Variants in CNTNAP3B observed in about 807,000 individuals in gnomAD.
CNTNAP3B encodes contactin-associated protein-like 3B.
In CNTNAP3B, 25 loss-of-function variants were observed where a neutral mutation model predicts 108.9. The observed-to-expected ratio is 0.23, with a 90% CI of 0.17 to 0.32. The LOEUF (loss-of-function observed/expected upper bound fraction) is 0.32, where lower values mean the gene tolerates loss of function less well. CNTNAP3B is among the 10% of genes least tolerant of loss of function. CNTNAP3B has a pLI of 1.00. For missense variants in CNTNAP3B, 252 were observed against 1,210.4 expected, an observed-to-expected ratio of 0.21 and a Z score of 11.75; for synonymous variants, 103 against 473.4, an observed-to-expected ratio of 0.22 and a Z score of 10.16.
intron 14 of CNTNAP3B, among the ~76,000 whole-genome samples, chr9:41,931,527 G>A (rs1366729639): frequency 6.6e-6 from 1 of 152,194 alleles, no homozygotes; most frequent in East Asian, 1.9e-4. Flanking sequence ...TATTATTTAA[G>A]ATTATTCCCT....
chr9:41,930,559 A>C (rs1453650195), intron 14 of CNTNAP3B, among the ~76,000 whole-genome samples: 3 of 151,558 alleles, frequency 2.0e-5, no homozygotes, highest in Admixed American at 6.6e-5. Context: ...TACAAAAAAC[A>C]AACAAAAAAC....
chr9:41,942,392 C>T (rs1246334986), intron 13 of CNTNAP3B, among the ~76,000 whole-genome samples: 4 of 152,186 alleles, frequency 2.6e-5, no homozygotes, highest in African/African-American at 4.8e-5. Flanking sequence ...GGGCGGATCA[C>T]GAGGTCAGGA....
At chr9:42,032,887 C>CT (rs1826547442) in intron 3 of CNTNAP3B, among the ~76,000 whole-genome samples, 2 of 134,474 alleles carry the variant, frequency 1.5e-5, no homozygotes, top group Non-Finnish European at 3.2e-5. Flanking sequence ...CTCTCTCTCT[C>CT]CCCCTCTCTT....
intron 9 of CNTNAP3B, chr9:41,980,082 T>G (rs1019588490): frequency 9.4e-5 from 7 of 74,168 alleles, no homozygotes; most frequent in Non-Finnish European, 1.4e-4. Flanking sequence ...TAAAACATTC[T>G]CTTTATTATC....
At chr9:41,925,393 A>G (rs1823788187) in intron 15 of CNTNAP3B, among the ~76,000 whole-genome samples, 1 of 152,316 alleles carries the variant, frequency 6.6e-6, no homozygotes, top group Non-Finnish European at 1.5e-5. Flanking sequence ...GGAGATCCAG[A>G]CCATCCTGGC....
At position 42,119,679 on chromosome 9, in the gene CNTNAP3B, C is replaced by A. The variant is rs983864218; in HGVS notation, c.85+9331G>T. Among the ~76,000 whole-genome samples, 65 of 138,988 alleles carry A rather than the reference C, an allele frequency of 4.7e-4. 2 individuals are homozygous for A. Among genetic ancestry groups the A allele is most frequent in the Non-Finnish European group, 5.2e-4 (34 of 64,842 alleles). The allele number at this position is 138,988 out of a possible 152,430, so 91.2% of individuals were successfully genotyped here. On this transcript the variant is annotated intron_variant, in intron 1 of 23. Transcript: ENST00000377561. ...CCTCAGAAATAATGCCACATATCTA[C>A]AACTATCTGATCTTTGAGAAACCTG... is the stretch of plus-strand genomic sequence containing the variant.
intron 3 of CNTNAP3B, among the ~76,000 whole-genome samples, chr9:42,070,866 G>T (rs562047399): frequency 6.6e-6 from 1 of 151,720 alleles, no homozygotes; most frequent in African/African-American, 2.4e-5. Context: ...AATGCACTTT[G>T]TCCACTGCCC....
intron 13 of CNTNAP3B, among the ~76,000 whole-genome samples, chr9:41,943,370 T>TG (rs1181356208): frequency 2.2e-4 from 28 of 126,204 alleles, no homozygotes; most frequent in Non-Finnish European, 4.0e-4. Flanking sequence ...TTTTTTTTTT[T>TG]GAGATGGAGT....
At position 42,123,985 on chromosome 9, in the gene CNTNAP3B, C is replaced by CA. The variant is rs1401042700; in HGVS notation, c.85+5024dup. 4.7e-5 allele frequency among the ~76,000 whole-genome samples: 6 copies of CA among 127,928 alleles called. 2 individuals are homozygous for CA. The highest frequency in any genetic ancestry group is 8.1e-5 in the Non-Finnish European group (5 of 61,652). 83.9% of individuals were successfully genotyped at this position (127,928 alleles called of 152,430 possible). On this transcript the variant is annotated intron_variant, in intron 1 of 23. Transcript: ENST00000377561. ...GTAATATCCTCTGTTTTTATACTCT[C>CA]AAAAAATGTGATTATACTTAATCAA...
chr9:41,948,276 G>A (rs1388514221), intron 13 of CNTNAP3B, among the ~76,000 whole-genome samples: 1 of 150,780 alleles, frequency 6.6e-6, no homozygotes, highest in African/African-American at 2.4e-5. Context: ...ATTTTTAGTG[G>A]AGACGGGGTT....
intron 2 of CNTNAP3B, among the ~76,000 whole-genome samples, chr9:42,089,175 A>AGAAAGAAGGG (rs1296742349): frequency 3.2e-4 from 32 of 99,640 alleles, no homozygotes; most frequent in African/African-American, 1.3e-3. Context: ...GGGGGAAAGG[A>AGAAAGAAGGG]GAAAGAAGGG....
rs1826868871 is a variant in CNTNAP3B at position 42,046,062 on chromosome 9, TC to T, written c.390+30806del. Among the ~76,000 whole-genome samples, 4 of 124,858 alleles carry T rather than the reference TC, an allele frequency of 3.2e-5. 1 individual carries two copies. In the Admixed American group the frequency reaches 3.2e-4, roughly 10 times the overall value. 81.9% of individuals were successfully genotyped at this position (124,858 alleles called of 152,430 possible). A position where few individuals can be genotyped will look rare whatever the true frequency, so the allele number is the denominator to read the frequency against. On this transcript the variant is annotated intron_variant, in intron 3 of 23. Coordinates refer to ENST00000377561, the MANE Select transcript of CNTNAP3B (RefSeq NM_001201380.3). ...TCTTTCATTTCCCACAGAGCTGTTG[TC>T]CCCGTCTTCCTCCCCACAGTCAGTG...
At position 42,088,678 on chromosome 9, in the gene CNTNAP3B, A is replaced by G. The variant is rs570095953; in HGVS notation, c.197-11616T>C. Among the ~76,000 whole-genome samples, 920 of 137,268 alleles carry G rather than the reference A, an allele frequency of 6.7e-3. 30 individuals are homozygous for G. Among genetic ancestry groups the G allele is most frequent in the East Asian group, 0.018 (80 of 4,528 alleles). The allele number at this position is 137,268 out of a possible 152,430, so 90.1% of individuals were successfully genotyped here. ...ATTGTCATATGCTACAAATCTGAGG[A>G]AAAAAAAGCATAAAAATAGAATGCC... On this transcript the variant is annotated intron_variant, in intron 2 of 23. Transcript: ENST00000377561.
At chr9:41,921,997 C>G (rs1823682149) in intron 17 of CNTNAP3B, among the ~76,000 whole-genome samples, 1 of 146,818 alleles carries the variant, frequency 6.8e-6, no homozygotes. Context: ...AATGATCTCA[C>G]TAATAGTGTT....
At chr9:41,999,839 GATA>G (rs1825965908) in intron 4 of CNTNAP3B, among the ~76,000 whole-genome samples, 1 of 64,256 alleles carries the variant, frequency 1.6e-5, no homozygotes, top group Admixed American at 1.7e-4. Context: ...AATAATATTT[GATA>G]ATATTTGTCA....
chr9:42,034,210 C>T (rs1437894745), intron 3 of CNTNAP3B, among the ~76,000 whole-genome samples: 1 of 135,986 alleles, frequency 7.4e-6, no homozygotes, highest in Non-Finnish European at 1.6e-5. Context: ...ATCTATCTAT[C>T]TATTTCTCAT....
At chr9:41,958,820 C>T (rs1375898170) in intron 12 of CNTNAP3B, among the ~76,000 whole-genome samples, 97 of 150,372 alleles carry the variant, frequency 6.5e-4, no homozygotes, top group African/African-American at 2.1e-3. Context: ...TACTTCAAGA[C>T]GGTTCCTTTT....
At position 42,118,360 on chromosome 9, in the gene CNTNAP3B, G is replaced by A. The variant is rs141079416; in HGVS notation, c.85+10650C>T. On this transcript the variant is annotated intron_variant, in intron 1 of 23. Coordinates refer to ENST00000377561, the MANE Select transcript of CNTNAP3B (RefSeq NM_001201380.3). ...AGCGGGCTTCAGCCCTGGGACGCAA[G>A]GCTGGTTCAACATACGAAAATCAAT... 5.5e-4 allele frequency among the ~76,000 whole-genome samples: 77 copies of A among 139,728 alleles called. 17 individuals carry two copies. The East Asian group carries it at 0.016, about 28-fold the overall frequency. 91.7% of individuals were successfully genotyped at this position (139,728 alleles called of 152,430 possible).
At position 41,927,603 on chromosome 9, in the gene CNTNAP3B, A is replaced by T. The variant is rs1307375165; in HGVS notation, c.2365+1714T>A. ...TGAATGGGATGGAGGAAGGAAATTA[A>T]GAGAGAACACAAGGAAAGAAAAATT... is the stretch of plus-strand genomic sequence containing the variant. On this transcript the variant is annotated intron_variant, in intron 15 of 23. Coordinates refer to ENST00000377561, the MANE Select transcript of CNTNAP3B (RefSeq NM_001201380.3). Among the ~76,000 whole-genome samples, 151 of 150,882 alleles carry T rather than the reference A, an allele frequency of 1.0e-3. No homozygotes were observed. In the East Asian group the frequency reaches 0.018, roughly 18 times the overall value.
Sources: allele counts gnomAD v4.1 joint callset (sites outside exome capture counted in the v4.1 genomes callset), GRCh38; gene constraint gnomAD v4.1.1; transcripts MANE v1.5; gene names NCBI Gene and HGNC (gene_info 2026-07-23, HGNC 2026-07-21).